Variants in ESR1 observed in about 807,000 individuals in gnomAD.
ESR1 encodes estrogen receptor.
ESR1 carries 12 observed loss-of-function variants against 52.7 expected under a neutral mutation model. The ratio of observed to expected loss-of-function variants is 0.23; its 90% confidence interval spans 0.15 to 0.37. ESR1 has a LOEUF of 0.37. Ranked by LOEUF, ESR1 falls within the 10% of genes least tolerant of loss-of-function variation. The pLI is 1.00. For missense variants in ESR1, 584 were observed against 779.7 expected (o/e 0.75, Z 2.99); for synonymous variants, 305 against 316.8 (o/e 0.96, Z 0.39).
At chr6:151,868,612 A>T (rs1790389449) in intron 2 of ESR1, among the ~76,000 whole-genome samples, 1 of 152,158 alleles carries the variant, frequency 6.6e-6, no homozygotes, top group South Asian at 2.1e-4. Context: ...CTCCAGCTGC[A>T]TCCACGTTGC....
rs1433735571 is a variant in ESR1 at position 152,053,283 on chromosome 6, C to G, written c.1236-7708C>G. Among the ~76,000 whole-genome samples, 1 of 152,056 alleles carries G rather than the reference C, an allele frequency of 6.6e-6. No homozygotes were observed. The highest frequency in any genetic ancestry group is 2.4e-5 in the African/African-American group (1 of 41,416). ...TCTGACATTCAACATCTTGGTCGCT[C>G]CTATCCAGCCACACCTCTGACCATT... On this transcript the variant is annotated intron_variant, in intron 5 of 7. Coordinates refer to ENST00000206249, the MANE Select transcript of ESR1 (RefSeq NM_000125.4). The surrounding 1 kb of genome is among the most constrained non-coding windows in gnomAD (Gnocchi z 4.1).
At chr6:151,992,043 TC>T (rs2041076251) in intron 4 of ESR1, among the ~76,000 whole-genome samples, 1 of 152,168 alleles carries the variant, frequency 6.6e-6, no homozygotes. Flanking sequence ...TATTACTGCA[TC>T]TGCCATTTTG....
chr6:151,877,020 A>G (rs926842082), intron 2 of ESR1, among the ~76,000 whole-genome samples: 2 of 151,856 alleles, frequency 1.3e-5, no homozygotes, highest in African/African-American at 4.8e-5. Context: ...AACTGGTGTG[A>G]GTTGTTTTTT....
At chr6:151,797,309 G>A (rs1191740576) in intron 2 of ESR1, among the ~76,000 whole-genome samples, 5 of 152,206 alleles carry the variant, frequency 3.3e-5, no homozygotes, top group African/African-American at 1.2e-4. Context: ...GTTATATTTA[G>A]TTCAGTCGTT....
chr6:151,793,225 T>C (rs924867745), intron 2 of ESR1, among the ~76,000 whole-genome samples: 1 of 151,518 alleles, frequency 6.6e-6, no homozygotes, highest in East Asian at 1.9e-4. Flanking sequence ...CACAGACACA[T>C]GCATTAGCCT....
At chr6:151,862,008 G>A (rs1420330860) in intron 2 of ESR1, among the ~76,000 whole-genome samples, 1 of 152,134 alleles carries the variant, frequency 6.6e-6, no homozygotes, top group Non-Finnish European at 1.5e-5. Flanking sequence ...TGGTTTAGAT[G>A]CTGTCCTTAC....
chr6:151,783,461 T>C (rs778370468), intron 2 of ESR1, among the ~76,000 whole-genome samples: 4 of 152,236 alleles, frequency 2.6e-5, no homozygotes, highest in Non-Finnish European at 5.9e-5. Flanking sequence ...ATAATTGAAA[T>C]GGATTGATTT....
chr6:151,794,478 A>G (rs1776497650), intron 2 of ESR1, among the ~76,000 whole-genome samples: 1 of 152,246 alleles, frequency 6.6e-6, no homozygotes, highest in South Asian at 2.1e-4. Context: ...CTGATAGTTG[A>G]AAGATTACTT....
intron 2 of ESR1, among the ~76,000 whole-genome samples, chr6:151,785,265 G>A (rs1786911546): frequency 6.6e-6 from 1 of 152,174 alleles, no homozygotes; most frequent in African/African-American, 2.4e-5. Flanking sequence ...GGGAGTGGGA[G>A]GAGTGCTTTG....
intron 5 of ESR1, among the ~76,000 whole-genome samples, chr6:152,039,600 G>C (rs1020769905): frequency 6.6e-6 from 1 of 152,120 alleles, no homozygotes; most frequent in Admixed American, 6.5e-5. Flanking sequence ...TTTACTAGCG[G>C]GTCTCTAGGG....
chr6:152,014,185 C>A (rs1214392564), intron 5 of ESR1, among the ~76,000 whole-genome samples: 1 of 152,136 alleles, frequency 6.6e-6, no homozygotes, highest in Non-Finnish European at 1.5e-5. Flanking sequence ...GTCCATTAAA[C>A]CTTTTTCTTT....
chr6:151,810,619 G>A (rs1322677737), intron 1 of ESR1, among the ~76,000 whole-genome samples: 1 of 152,190 alleles, frequency 6.6e-6, no homozygotes, highest in Non-Finnish European at 1.5e-5. Flanking sequence ...AGAGGGTCAT[G>A]AACTCAGTTT....
intron 2 of ESR1, among the ~76,000 whole-genome samples, chr6:151,846,055 G>C (rs1214759680): frequency 6.6e-6 from 1 of 152,148 alleles, no homozygotes; most frequent in Admixed American, 6.6e-5. Context: ...CAGTCCTGGT[G>C]GTGGTTGAGT....
chr6:151,721,127 A>G (rs78966407), intron 2 of ESR1, among the ~76,000 whole-genome samples: 3,148 of 152,334 alleles, frequency 0.021, 38 homozygotes, highest in East Asian at 0.033. Context: ...ACTTTGTCCA[A>G]TGAAGTCTTT....
intron 2 of ESR1, among the ~76,000 whole-genome samples, chr6:151,775,882 T>C (rs1785944401): frequency 1.3e-5 from 2 of 152,138 alleles, no homozygotes; most frequent in African/African-American, 4.8e-5. Flanking sequence ...GCACCAGAAC[T>C]GGGCAGGGCA....
intron 2 of ESR1, among the ~76,000 whole-genome samples, chr6:151,759,240 A>G (rs1583159586): frequency 1.4e-5 from 2 of 142,164 alleles, no homozygotes; most frequent in East Asian, 4.1e-4. Context: ...ATGCCACTGC[A>G]CTCCAGCATG....
intron 3 of ESR1, among the ~76,000 whole-genome samples, chr6:151,922,968 C>G (rs1304262924): frequency 6.6e-6 from 1 of 152,192 alleles, no homozygotes; most frequent in African/African-American, 2.4e-5. Flanking sequence ...ACTTATCTGT[C>G]ACTTCCTATA....
At chr6:151,806,530 G>GTATATGTATA (rs1554259016), upstream of ESR1, among the ~76,000 whole-genome samples, 4 of 96,446 alleles carry the variant, frequency 4.1e-5, no homozygotes, top group Admixed American at 1.1e-4. Flanking sequence ...TCCTTAATAT[G>GTATATGTATA]TATATATATA....
Position 151,674,716 on chromosome 6 carries a change from C to T in ESR1, n.73+17953C>T, listed in dbSNP as rs150888618. ...TTGTTTCCTGACTTTTTAATGATCG[C>T]CATTCTAACTGGCGTGAGACGGTAT... On this transcript the variant is annotated intron_variant and non_coding_transcript_variant, in intron 1 of 2. Transcript: ENST00000473497. 2.0e-3 allele frequency among the ~76,000 whole-genome samples: 306 copies of T among 152,248 alleles called. 1 individual carries two copies. Among genetic ancestry groups the T allele is most frequent in the Non-Finnish European group, 3.7e-3 (254 of 68,010 alleles).
Sources: allele counts gnomAD v4.1 joint callset (sites outside exome capture counted in the v4.1 genomes callset), GRCh38; gene constraint gnomAD v4.1.1; non-coding constraint Gnocchi (gnomAD v3.1); transcripts MANE v1.5; gene names NCBI Gene and HGNC (gene_info 2026-07-23, HGNC 2026-07-21).